The following SMPD1 variants were observed in gnomAD, a reference collection of about 807,000 sequenced individuals.
SMPD1 encodes sphingomyelin phosphodiesterase.
In SMPD1, 47 loss-of-function variants were observed where a neutral mutation model predicts 49.7. The observed-to-expected ratio is 0.95, with a 90% confidence interval of 0.75 to 1.21. SMPD1 has a LOEUF of 1.21. Among genes scored for constraint, SMPD1 ranks in the 50% most tolerant of loss-of-function variants. SMPD1 has a pLI of 0.00. For synonymous variants in SMPD1, 336 were observed against 339.6 expected (o/e 0.99, Z 0.12); for missense variants, 811 against 822.2 (o/e 0.99, Z 0.17).
chr11:6,393,502 CTGGGGATTCAGCTCA>C, intron 3 of SMPD1, 100 bp from the exon 4 acceptor site: 1 of 1,409,286 alleles, frequency 7.1e-7, no homozygotes, highest in African/African-American at 1.4e-5. Context: ...CAAGTGTTCC[CTGGGGATTCAGCTCA>C]TGGTCACTGT....
rs1564928007 is a variant in SMPD1 at position 6,394,518 on chromosome 11, G to A, written c.1807G>A (p.Ala603Thr). 4 of 1,611,762 alleles carry A rather than the reference G, an allele frequency of 2.5e-6. No individual in the cohort carries two copies. The highest frequency in any genetic ancestry group is 2.5e-6 in the Non-Finnish European group (3 of 1,180,030). ...TCTTTGTGCCCAGCTCTCTGCCCGT[G>A]CTGACAGCCCTGCTCTGTGCCGCCA... ...ATLCAQLSARADSPALCRHLM... is the reference protein window; with the variant it reads ...ATLCAQLSARTDSPALCRHLM... The change falls in exon 6 of 6, where the codon GCT (alanine) becomes ACT (threonine). Residue 603 changes from alanine (A) to threonine (T), a missense_variant. By Grantham distance (58) the Ala-to-Thr change is moderately conservative. Transcript: ENST00000342245.
chr11:6,394,787 G>A lies in SMPD1; in HGVS notation c.*180G>A. ...AGCTGGTTTAGCTGGATATGGGAGG[G>A]GGTTTGGCTGCCTGTGCCCAGGAGC... On this transcript the variant is annotated 3_prime_UTR_variant, in exon 6 of 6. Coordinates refer to ENST00000342245, the MANE Select transcript of SMPD1 (RefSeq NM_000543.5). The A allele has an allele frequency of 1.6e-6, 1 of 639,598 alleles. No individual in the cohort carries two copies. The highest frequency in any genetic ancestry group is 2.7e-5 in the Admixed American group (1 of 36,980). The allele number at this position is 639,598 out of a possible 1,614,324, so 39.6% of individuals were successfully genotyped here.
rs1413550764 is a variant in SMPD1 at position 6,390,657 on chromosome 11, GA to G, written c.60del (p.Gln21LysfsTer56). ...QSCPRSGREQ[G>X]QDGTAGAPGL... ...TGCCCCAGGTCCGGCCGGGAGCAGG[GA>G]CAAGACGGGACCGCCGGAGCCCCCG... On this transcript the variant is annotated frameshift_variant, in exon 1 of 6. Transcript: ENST00000342245. LOFTEE classifies it high-confidence loss of function. 6.2e-7 allele frequency: 1 copy of G among 1,613,278 alleles called. No individual in the cohort carries two copies.
chr11:6,392,163 A>T lies in SMPD1; in HGVS notation c.1091+7A>T. The stretch of plus-strand genomic sequence containing the variant: ...AAGCCCTGCGCACCCTCAGGTACTT[A>T]TCGTCCGTGGAAACCCAGGAAGGGA... On this transcript the variant is annotated splice_region_variant and intron_variant, in intron 2 of 5. Transcript: ENST00000342245. The T allele has an allele frequency of 6.2e-7, 1 of 1,614,080 alleles. No individual in the cohort carries two copies. The highest frequency in any genetic ancestry group is 8.5e-7 in the Non-Finnish European group (1 of 1,179,994).
rs747284877 is a variant in SMPD1 at position 6,391,485 on chromosome 11, T to G, written c.420T>G (p.Phe140Leu). The change falls in exon 2 of 6, where the codon TTT becomes TTG. Residue 140 changes from phenylalanine (F) to leucine (L), a missense_variant. Transcript: ENST00000342245. Reference protein sequence around the residue: ...PAVCQSIVHLFEDDMVEVWRR... With the variant: ...PAVCQSIVHLLEDDMVEVWRR... ...TGTGCCAATCCATTGTCCACCTCTT[T>G]GAGGATGACATGGTGGAGGTGTGGA... The G allele has an allele frequency of 6.2e-7, 1 of 1,613,844 alleles. No homozygotes were observed. The highest frequency in any genetic ancestry group is 2.2e-5 in the East Asian group (1 of 44,902).
intron 2 of SMPD1, among the ~76,000 whole-genome samples, chr11:6,392,490 T>TA (rs2134014759): frequency 1.3e-5 from 1 of 74,770 alleles, no homozygotes; most frequent in East Asian, 2.9e-4. Flanking sequence ...CCCTCCCTTT[T>TA]TTTTTTTTTT....
chr11:6,391,273 G>T, intron 1 of SMPD1, 111 bp from the exon 2 acceptor site: 1 of 1,086,456 alleles, frequency 9.2e-7, no homozygotes, highest in Non-Finnish European at 1.4e-6. Context: ...GGTGCACTGA[G>T]TCCTGCCCAG....
chr11:6,393,718 T>A, intron 4 of SMPD1, 25 bp downstream of exon 4: 1 of 1,600,716 alleles, frequency 6.2e-7, no homozygotes, highest in Non-Finnish European at 8.6e-7. Context: ...AGGGTGGGAA[T>A]AGGGACAGGG....
chr11:6,392,140 G>A lies in SMPD1; in HGVS notation c.1075G>A (p.Ala359Thr). The A allele has an allele frequency of 6.2e-7, 1 of 1,614,174 alleles. No individual in the cohort carries two copies. ...KAWEPWLPAE[A>T]LRTLRIGGFY... ...TTGGGAGCCCTGGCTGCCTGCCGAA[G>A]CCCTGCGCACCCTCAGGTACTTATC... The change falls in exon 2 of 6, where the codon GCC becomes ACC. Residue 359 changes from alanine (A) to threonine (T), a missense_variant. Transcript: ENST00000342245.
Position 6,391,623 on chromosome 11 carries a change from G to GCCCCCCCCA in SMPD1, c.564_565insCCACCCCCC (p.Pro186_Pro188dup). The GCCCCCCCCA allele has an allele frequency of 6.8e-7, 1 of 1,466,596 alleles. No homozygotes were observed. Among genetic ancestry groups the GCCCCCCCCA allele is most frequent in the Non-Finnish European group, 9.2e-7 (1 of 1,087,618 alleles). 90.8% of individuals were successfully genotyped at this position (1,466,596 alleles called of 1,614,324 possible). Reference sequence around the variant, plus strand: ...TCTCTTTGCCTACTGTGCCGAAGCCGCCCCCCAAACCCCCTAGCCCCCCAG... The same window carrying GCCCCCCCCA: ...TCTCTTTGCCTACTGTGCCGAAGCCGCCCCCCCCACCCCCCAAACCCCCTAGCCCCCCAG... On this transcript the variant is annotated inframe_insertion, in exon 2 of 6. Coordinates refer to ENST00000342245, the MANE Select transcript of SMPD1 (RefSeq NM_000543.5).
chr11:6,393,448 G>C (rs1214697784), intron 3 of SMPD1, 61 bp downstream of exon 3: 6 of 1,557,550 alleles, frequency 3.9e-6, no homozygotes, highest in Non-Finnish European at 5.3e-6. Flanking sequence ...TGTTGAGCTG[G>C]AGCACCTCTG....
rs781675416 is a variant in SMPD1 at position 6,390,746 on chromosome 11, T to G, written c.148T>G (p.Ser50Ala). The G allele has an allele frequency of 5.0e-6, 8 of 1,601,918 alleles. No individual in the cohort carries two copies. Among genetic ancestry groups the G allele is most frequent in the Non-Finnish European group, 6.0e-6 (7 of 1,170,374 alleles). ...GGCGCTGGCGCTGGCGCTGGCTCTG[T>G]CTGACTCTCGGGTTCTCTGGGCTCC... ...ALALALALALSDSRVLWAPAE... is the reference protein window; with the variant it reads ...ALALALALALADSRVLWAPAE... The change falls in exon 1 of 6, where the codon TCT becomes GCT. Residue 50 changes from serine to alanine, a missense_variant. Coordinates refer to ENST00000342245, the MANE Select transcript of SMPD1 (RefSeq NM_000543.5).
chr11:6,392,005 G>A lies in SMPD1; in HGVS notation c.940G>A (p.Val314Met), dbSNP rs1228068212. 1.7e-5 allele frequency: 27 copies of A among 1,614,114 alleles called. No individual in the cohort carries two copies. The highest frequency in any genetic ancestry group is 1.3e-4 in the East Asian group (6 of 44,904). The change falls in exon 2 of 6, where the codon GTG becomes ATG. Residue 314 changes from valine to methionine, a missense_variant. Coordinates refer to ENST00000342245, the MANE Select transcript of SMPD1 (RefSeq NM_000543.5). ...GAGGAAGTTCCTGGGGCCAGTGCCA[G>A]TGTACCCTGCTGTGGGTAACCATGA... is the stretch of plus-strand genomic sequence containing the variant. ...LVRKFLGPVP[V>M]YPAVGNHEST... is the part of the protein sequence containing the mutation.
Position 6,390,517 on chromosome 11 carries a change from CG to C in SMPD1, c.-81del. 6.4e-7 allele frequency: 1 copy of C among 1,556,476 alleles called. No homozygotes were observed. Among genetic ancestry groups the C allele is most frequent in the Non-Finnish European group, 8.7e-7 (1 of 1,152,502 alleles). Reference sequence around the variant, plus strand: ...AAGGGTAATCGGGTGTCCCCGGCGCCGCCCGGGGCCCTGAGGGCTGGCTAGG... The same window carrying C: ...AAGGGTAATCGGGTGTCCCCGGCGCCCCCGGGGCCCTGAGGGCTGGCTAGG... On this transcript the variant is annotated 5_prime_UTR_variant, in exon 1 of 6. Transcript: ENST00000342245.
Position 6,390,910 on chromosome 11 carries a change from G to C in SMPD1, c.312G>C (p.Gly104=). 6.2e-7 allele frequency: 1 copy of C among 1,614,134 alleles called. No individual in the cohort carries two copies. The highest frequency in any genetic ancestry group is 8.5e-7 in the Non-Finnish European group (1 of 1,180,030). The part of the protein sequence containing the change: ...CKGLFTAINL[G]LKKEPNVARV... ...GTCTATTCACCGCCATCAACCTCGGGCTGAAGGTGAGCACTGAAGGGGCTG... is the reference window on the plus strand; with the variant it reads ...GTCTATTCACCGCCATCAACCTCGGCCTGAAGGTGAGCACTGAAGGGGCTG... Residue 104 remains glycine, a synonymous_variant, in exon 1 of 6, where the codon GGG becomes GGC. Coordinates refer to ENST00000342245, the MANE Select transcript of SMPD1 (RefSeq NM_000543.5).
In SMPD1 at chr11:6,394,032, C is replaced by T. The variant is rs1345053174; in HGVS notation, c.1477C>T (p.Leu493Phe). ...LAPSATTYIGLNPGYRVYQID... is the reference protein window; with the variant it reads ...LAPSATTYIGFNPGYRVYQID... Reference sequence around the variant, plus strand: ...ACCCAGTGCAACTACCTACATCGGCCTTAATCCTGGTGAGTGAGGCAGAAG... The same window carrying T: ...ACCCAGTGCAACTACCTACATCGGCTTTAATCCTGGTGAGTGAGGCAGAAG... The change falls in exon 5 of 6, where the codon CTT (leucine) becomes TTT (phenylalanine). Residue 493 changes from leucine (L) to phenylalanine (F), a missense_variant. By Grantham distance (22) the Leu-to-Phe change is conservative. Transcript: ENST00000342245. 5.0e-6 allele frequency: 8 copies of T among 1,614,196 alleles called. No homozygotes were observed. The Admixed American group carries it at 1.2e-4, about 24-fold the overall frequency.
Position 6,390,881 on chromosome 11 carries a change from A to C in SMPD1, c.283A>C (p.Lys95Gln), listed in dbSNP as rs886044321. The change falls in exon 1 of 6, where the codon AAA becomes CAA. Residue 95 changes from lysine to glutamine, a missense_variant. By Grantham distance (53) the Lys-to-Gln change is moderately conservative. Coordinates refer to ENST00000342245, the MANE Select transcript of SMPD1 (RefSeq NM_000543.5). ...GGGGAACCTCACCTGCCCAATCTGC[A>C]AAGGTCTATTCACCGCCATCAACCT... ...GWGNLTCPIC[K>Q]GLFTAINLGL... The C allele has an allele frequency of 3.7e-6, 6 of 1,613,976 alleles. No individual in the cohort carries two copies. Among genetic ancestry groups the C allele is most frequent in the Admixed American group, 1.7e-5 (1 of 59,990 alleles).
rs1304337648 is a variant in SMPD1 at position 6,393,248 on chromosome 11, C to G, written c.1124C>G (p.Pro375Arg). ...GGGTTCTATGCTCTTTCCCCATACC[C>G]CGGTCTCCGCCTCATCTCTCTCAAT... ...IGGFYALSPY[P>R]GLRLISLNMN... Residue 375 changes from proline to arginine, a missense_variant, in exon 3 of 6, where the codon CCC becomes CGC. Pro to Arg is a moderately radical substitution (Grantham distance 103, BLOSUM62 -2). Coordinates refer to ENST00000342245, the MANE Select transcript of SMPD1 (RefSeq NM_000543.5). 1.2e-6 allele frequency: 2 copies of G among 1,613,966 alleles called. No individual in the cohort carries two copies. Among genetic ancestry groups the G allele is most frequent in the Non-Finnish European group, 1.7e-6 (2 of 1,179,872 alleles).
rs760549042 is a variant in SMPD1, at chr11:6,390,720, T to C, written c.122T>C (p.Leu41Pro). Residue 41 changes from leucine (L) to proline (P), a missense_variant, in exon 1 of 6, where the codon CTG becomes CCG. Physicochemically the swap from Leu to Pro is moderately conservative, Grantham distance 98. Coordinates refer to ENST00000342245, the MANE Select transcript of SMPD1 (RefSeq NM_000543.5). ...ATGGGCCTGGTGCTGGCGCTGGCGC[T>C]GGCGCTGGCGCTGGCGCTGGCTCTG... ...LWMGLVLALA[L>P]ALALALALSD... is the part of the protein sequence containing the mutation. The C allele has an allele frequency of 6.4e-7, 1 of 1,566,230 alleles. No homozygotes were observed. Among genetic ancestry groups the C allele is most frequent in the South Asian group, 1.2e-5 (1 of 84,344 alleles).
Sources: gnomAD v4.1 joint callset for allele counts (sites outside exome capture counted in the v4.1 genomes callset) on GRCh38, gnomAD v4.1.1 for gene constraint, MANE v1.5 for transcripts, NCBI Gene and HGNC (gene_info 2026-07-23, HGNC 2026-07-21) for gene names.